ADCY8: variants seen among roughly 807,000 people sequenced by gnomAD.
ADCY8 encodes the protein adenylate cyclase 8.
In ADCY8, 51 loss-of-function variants were observed where a neutral mutation model predicts 119.7. The observed-to-expected ratio is 0.43, with a 90% CI of 0.34 to 0.54. ADCY8 has a LOEUF of 0.54. Ranked by LOEUF, ADCY8 falls within the 20% of genes least tolerant of loss-of-function variation. ADCY8 has a pLI of 0.03. For synonymous variants in ADCY8, 665 were observed against 651.0 expected (o/e 1.02, Z -0.33); for missense variants, 1,383 against 1,598.8 (o/e 0.87, Z 2.30).
At chr8:130,983,022 A>G (rs1283569605) in intron 2 of ADCY8, among the ~76,000 whole-genome samples, 4 of 152,208 alleles carry the variant, frequency 2.6e-5, no homozygotes, top group Non-Finnish European at 5.9e-5. Flanking sequence ...TCACAAATAT[A>G]TGCAGAGTGG....
chr8:130,991,355 G>C (rs1050632380), intron 1 of ADCY8, among the ~76,000 whole-genome samples: 37 of 152,208 alleles, frequency 2.4e-4, no homozygotes, highest in African/African-American at 8.9e-4. Context: ...GCAAAGAACA[G>C]AGTTCCAGAC....
chr8:130,819,788 G>A (rs1369079916), intron 13 of ADCY8, among the ~76,000 whole-genome samples: 1 of 152,184 alleles, frequency 6.6e-6, no homozygotes, highest in East Asian at 1.9e-4. Flanking sequence ...CTAAAAACAG[G>A]AATTCTAGAA....
chr8:131,007,020 C>T (rs898232961), intron 1 of ADCY8, among the ~76,000 whole-genome samples: 1 of 151,788 alleles, frequency 6.6e-6, no homozygotes, highest in African/African-American at 2.4e-5. Context: ...AGATAAAATC[C>T]CAAATGAAGA....
intron 12 of ADCY8, among the ~76,000 whole-genome samples, chr8:130,832,544 T>G (rs1816870279): frequency 6.6e-6 from 1 of 152,152 alleles, no homozygotes; most frequent in East Asian, 1.9e-4. Context: ...ATAATACAGC[T>G]GAGATGGAAG....
intron 3 of ADCY8, among the ~76,000 whole-genome samples, chr8:130,945,435 T>C (rs1034613775): frequency 7.9e-5 from 12 of 152,304 alleles, no homozygotes; most frequent in African/African-American, 2.6e-4. Context: ...TGAGTCTAGA[T>C]AGATCTGGGT....
At chr8:130,833,270 C>T (rs540877352) in intron 12 of ADCY8, among the ~76,000 whole-genome samples, 9 of 152,266 alleles carry the variant, frequency 5.9e-5, no homozygotes, top group South Asian at 2.1e-4. Context: ...ATTTACTGGC[C>T]GTGTGAACCT....
In ADCY8 at chr8:131,039,544, A is replaced by T; in HGVS notation, c.790T>A (p.Tyr264Asn). ...TTQILAAGLG[Y>N]GLLGDGIGYV... ...CCTATGCCGTCGCCCAGGAGCCCGT[A>T]GCCGAGGCCTGCTGCCAGGATCTGG... The change falls in exon 1 of 18, where the codon TAC becomes AAC. Residue 264 changes from tyrosine to asparagine, a missense_variant. By Grantham distance (143) the Tyr-to-Asn change is moderately radical. Around this residue, in one of 2 missense-constraint regions of ADCY8, gnomAD observed 455 missense variants for 435.3 expected, o/e 1.05. Transcript: ENST00000286355. 6.2e-7 allele frequency: 1 copy of T among 1,613,880 alleles called. No individual in the cohort carries two copies. The highest frequency in any genetic ancestry group is 1.1e-5 in the South Asian group (1 of 91,088).
chr8:130,950,223 G>A (rs949183675), intron 3 of ADCY8, among the ~76,000 whole-genome samples: 2 of 152,174 alleles, frequency 1.3e-5, no homozygotes, highest in African/African-American at 4.8e-5. Context: ...TTGGTGGGTG[G>A]GAGATACAGT....
At chr8:130,781,917 G>A (rs1355965609) in intron 17 of ADCY8, among the ~76,000 whole-genome samples, 2 of 152,154 alleles carry the variant, frequency 1.3e-5, no homozygotes, top group African/African-American at 4.8e-5. Flanking sequence ...TAGGCATTGG[G>A]GATGTGGTGG....
chr8:130,869,524 T>TG (rs779293376), intron 8 of ADCY8, among the ~76,000 whole-genome samples: 7,108 of 146,466 alleles, frequency 0.049, 373 homozygotes, highest in African/African-American at 0.13. Context: ...TTTTGTTTTT[T>TG]TGTTTTTTTT....
intron 7 of ADCY8, among the ~76,000 whole-genome samples, chr8:130,891,098 CCAG>C (rs1819170046): frequency 1.3e-5 from 2 of 152,100 alleles, no homozygotes; most frequent in African/African-American, 4.8e-5. Flanking sequence ...GTAGGTAGGG[CCAG>C]TAGTTTCCCC....
chr8:130,859,807 C>A (rs1022660621), intron 9 of ADCY8, among the ~76,000 whole-genome samples: 2 of 152,170 alleles, frequency 1.3e-5, no homozygotes, highest in Non-Finnish European at 2.9e-5. Context: ...ATTCTCCTTT[C>A]CCTCATTCCC....
chr8:131,030,052 G>A (rs1367499607), intron 1 of ADCY8, among the ~76,000 whole-genome samples: 3 of 152,156 alleles, frequency 2.0e-5, no homozygotes, highest in South Asian at 2.1e-4. Context: ...ATGTGAGAAC[G>A]TTATGACATT....
chr8:130,954,588 C>G (rs1821367898), intron 2 of ADCY8, among the ~76,000 whole-genome samples: 1 of 152,194 alleles, frequency 6.6e-6, no homozygotes, highest in Non-Finnish European at 1.5e-5. Flanking sequence ...TTGAGAAATT[C>G]TGGCCTATCC....
At chr8:130,952,463 C>G (rs868620433) in intron 2 of ADCY8, among the ~76,000 whole-genome samples, 1 of 152,190 alleles carries the variant, frequency 6.6e-6, no homozygotes, top group South Asian at 2.1e-4. Context: ...AATGAGAAAT[C>G]CAGGAATTAA....
intron 5 of ADCY8, among the ~76,000 whole-genome samples, chr8:130,925,429 T>C (rs913330600): frequency 6.6e-6 from 1 of 152,158 alleles, no homozygotes; most frequent in Non-Finnish European, 1.5e-5. Flanking sequence ...CTATTTGAAA[T>C]TGGGATCTTA....
At chr8:130,850,258 TG>T (rs1196237992) in intron 9 of ADCY8, among the ~76,000 whole-genome samples, 14 of 152,194 alleles carry the variant, frequency 9.2e-5, no homozygotes, top group African/African-American at 3.4e-4. Context: ...TTCCTGGTTT[TG>T]TGGTTTTCAT....
chr8:130,785,290 AG>A, intron 16 of ADCY8, 92 bp downstream of exon 16: 1 of 811,096 alleles, frequency 1.2e-6, no homozygotes, highest in Admixed American at 2.8e-5. Context: ...TCTTTCCCCA[AG>A]GATCTTGGTG....
At position 130,847,437 on chromosome 8, in the gene ADCY8, C is replaced by T. The variant is rs1270398060; in HGVS notation, c.2489G>A (p.Cys830Tyr). The T allele has an allele frequency of 6.2e-7, 1 of 1,611,036 alleles. No individual in the cohort carries two copies. The highest frequency in any genetic ancestry group is 1.7e-5 in the Admixed American group (1 of 59,734). The change falls in exon 11 of 18, where the codon TGC becomes TAC. Residue 830 changes from cysteine to tyrosine, a missense_variant. Around this residue, in one of 2 missense-constraint regions of ADCY8, gnomAD observed 928 missense variants for 1,163.5 expected, o/e 0.80. Transcript: ENST00000286355. ...FNSSAVFTDI[C>Y]SYPEYFVFTG... The stretch of plus-strand genomic sequence containing the variant: ...ATAAATAAATACCTCTGGGTAGGAG[C>T]AGATATCTGTAAACACAGCTGAGGA...
Sources: gnomAD v4.1 joint callset for allele counts (sites outside exome capture counted in the v4.1 genomes callset) on GRCh38, gnomAD v4.1.1 for gene constraint, gnomAD v4.1.1 regional missense constraint, MANE v1.5 for transcripts, NCBI Gene and HGNC (gene_info 2026-07-23, HGNC 2026-07-21) for gene names.